TPRG1: variants seen among roughly 807,000 people sequenced by gnomAD.
TPRG1 encodes the protein tumor protein p63-regulated gene 1 protein.
A neutral mutation model predicts 29.3 loss-of-function variants in TPRG1; 29 were observed. That is an observed-to-expected ratio of 0.99 (90% CI 0.74 to 1.35). The LOEUF (loss-of-function observed/expected upper bound fraction) is 1.35. Ranked by LOEUF, TPRG1 falls within the 40% of genes most tolerant of loss-of-function variation. The pLI is 0.00. For synonymous variants in TPRG1, 130 were observed against 116.8 expected (o/e 1.11, Z -0.73); for missense variants, 327 against 335.0 (o/e 0.98, Z 0.19).
chr3:189,282,976 G>C (rs879538329), intron 4 of TPRG1, among the ~76,000 whole-genome samples: 5 of 152,176 alleles, frequency 3.3e-5, no homozygotes, highest in African/African-American at 4.8e-5. Context: ...TGCATGCTGG[G>C]GCTGGTTTAG....
chr3:189,180,798 G>A (rs934291564), intron 1 of TPRG1, among the ~76,000 whole-genome samples: 3 of 152,282 alleles, frequency 2.0e-5, no homozygotes, highest in Admixed American at 6.5e-5. Context: ...TCCACTAGGT[G>A]GTGCCCCAGT....
At chr3:189,142,311 T>G (rs1262237443) in intron 3 of TPRG1, among the ~76,000 whole-genome samples, 1 of 152,124 alleles carries the variant, frequency 6.6e-6, no homozygotes. Flanking sequence ...AGGGATTGAT[T>G]ATACCTGCAG....
At chr3:189,041,311 A>G (rs1466065137) in intron 4 of TPRG1, among the ~76,000 whole-genome samples, 1 of 152,196 alleles carries the variant, frequency 6.6e-6, no homozygotes, top group African/African-American at 2.4e-5. Context: ...ATGATAAACT[A>G]AAAGCTGCTT....
At chr3:189,268,363 C>T (rs1714493544) in intron 4 of TPRG1, among the ~76,000 whole-genome samples, 1 of 152,122 alleles carries the variant, frequency 6.6e-6, no homozygotes, top group African/African-American at 2.4e-5. Context: ...GGGAGGCGTT[C>T]CCCAAATACC....
chr3:189,190,341 T>C (rs1360945761), intron 1 of TPRG1, among the ~76,000 whole-genome samples: 1 of 152,216 alleles, frequency 6.6e-6, no homozygotes, highest in Non-Finnish European at 1.5e-5. Context: ...CATCAAATTC[T>C]GGCCCTGTGA....
intron 3 of TPRG1, chr3:189,219,689 CA>C (rs1451183172): frequency 2.8e-5 from 36 of 1,278,906 alleles, no homozygotes; most frequent in Non-Finnish European, 3.6e-5. Flanking sequence ...TCTTTGTCTA[CA>C]ATGGTTAAAG....
At chr3:189,001,621 T>A (rs1712024700) in intron 2 of TPRG1, among the ~76,000 whole-genome samples, 1 of 152,176 alleles carries the variant, frequency 6.6e-6, no homozygotes, top group African/African-American at 2.4e-5. Flanking sequence ...CTTTGGGAGT[T>A]AAGTTTCAAC....
chr3:189,149,854 TA>T (rs934307826), intron 4 of TPRG1, among the ~76,000 whole-genome samples: 4 of 151,378 alleles, frequency 2.6e-5, no homozygotes, highest in Admixed American at 6.6e-5. Flanking sequence ...TGGAGGCCTT[TA>T]AAAAAAAAGA....
At chr3:189,087,274 T>C (rs552386403) in intron 4 of TPRG1, among the ~76,000 whole-genome samples, 1 of 152,370 alleles carries the variant, frequency 6.6e-6, no homozygotes, top group South Asian at 2.1e-4. Flanking sequence ...TGAGCATTTT[T>C]TCCTGTGTCT....
At chr3:189,229,665 G>A (rs559271779) in intron 3 of TPRG1, among the ~76,000 whole-genome samples, 3 of 152,348 alleles carry the variant, frequency 2.0e-5, no homozygotes, top group South Asian at 4.1e-4. Context: ...AACATGAGGT[G>A]TATAGAGAGA....
chr3:189,296,923 C>T (rs1222716383), intron 4 of TPRG1, among the ~76,000 whole-genome samples: 1 of 152,182 alleles, frequency 6.6e-6, no homozygotes, highest in Non-Finnish European at 1.5e-5. Flanking sequence ...GAAACAGTGT[C>T]TGAATTGCAG....
intron 4 of TPRG1, among the ~76,000 whole-genome samples, chr3:189,288,680 T>C (rs780818205): frequency 7.9e-5 from 12 of 152,254 alleles, no homozygotes; most frequent in Non-Finnish European, 1.5e-4. Flanking sequence ...AGCCTAACTC[T>C]GGGCAAACAG....
intron 3 of TPRG1, among the ~76,000 whole-genome samples, chr3:189,021,387 G>C (rs907552598): frequency 7.9e-5 from 12 of 152,054 alleles, no homozygotes; most frequent in Non-Finnish European, 1.3e-4. Flanking sequence ...TCGTTTCCAT[G>C]TTTAGCGCTT....
intron 4 of TPRG1, among the ~76,000 whole-genome samples, chr3:189,274,212 C>G (rs1196752572): frequency 1.3e-5 from 2 of 151,766 alleles, no homozygotes; most frequent in Non-Finnish European, 2.9e-5. Context: ...AGGCATTACT[C>G]CCACCTACTT....
At chr3:189,281,491 C>T (rs930397854) in intron 4 of TPRG1, among the ~76,000 whole-genome samples, 1 of 152,094 alleles carries the variant, frequency 6.6e-6, no homozygotes, top group Non-Finnish European at 1.5e-5. Context: ...TTAAAAATGT[C>T]ATTTATATCC....
chr3:189,182,785 A>G (rs1333503628), intron 1 of TPRG1, among the ~76,000 whole-genome samples: 2 of 151,284 alleles, frequency 1.3e-5, no homozygotes, highest in Non-Finnish European at 3.0e-5. Context: ...GAATTTATTT[A>G]TTTATTTCCA....
intron 3 of TPRG1, among the ~76,000 whole-genome samples, chr3:189,011,665 C>T (rs1712608826): frequency 6.6e-6 from 1 of 152,150 alleles, no homozygotes; most frequent in Non-Finnish European, 1.5e-5. Context: ...ATGAATCAAT[C>T]ATCTCCCACT....
intron 1 of TPRG1, among the ~76,000 whole-genome samples, chr3:189,118,122 T>C (rs541944464): frequency 1.3e-5 from 2 of 152,278 alleles, no homozygotes; most frequent in African/African-American, 2.4e-5. Context: ...TGAATGGCTT[T>C]GACCAACATG....
chr3:189,249,047 G>A (rs1191460430), intron 4 of TPRG1, among the ~76,000 whole-genome samples: 4 of 151,254 alleles, frequency 2.6e-5, no homozygotes, highest in Non-Finnish European at 5.9e-5. Flanking sequence ...TACATATAGA[G>A]TTTCATAAGT....
Sources: allele counts gnomAD v4.1 joint callset (sites outside exome capture counted in the v4.1 genomes callset), GRCh38; gene constraint gnomAD v4.1.1; transcripts MANE v1.5; gene names NCBI Gene and HGNC (gene_info 2026-07-23, HGNC 2026-07-21).